Variants in EXT1 observed in about 807,000 individuals in gnomAD.
The protein encoded by EXT1 is exostosin glycosyltransferase 1, also known as exostosin-1.
EXT1 carries 20 observed loss-of-function variants against 82.5 expected under a neutral mutation model. The ratio of observed to expected loss-of-function variants is 0.24; its 90% confidence interval spans 0.17 to 0.35. The LOEUF is 0.35. Ranked by LOEUF, EXT1 falls within the 10% of genes least tolerant of loss-of-function variation. The probability of loss-of-function intolerance (pLI) is 1.00; values close to 1 mark genes in which losing one functional copy is unlikely to be tolerated. For synonymous variants in EXT1, 348 were observed against 350.8 expected, an observed-to-expected ratio of 0.99 and a Z score of 0.09; for missense variants, 757 against 936.5, an observed-to-expected ratio of 0.81 and a Z score of 2.50.
At chr8:117,966,599 C>CAT (rs1814816438) in intron 1 of EXT1, among the ~76,000 whole-genome samples, 1 of 152,142 alleles carries the variant, frequency 6.6e-6, no homozygotes, top group Non-Finnish European at 1.5e-5. Flanking sequence ...CTAAGTCTGG[C>CAT]GTATCCCCTC....
At chr8:117,890,570 C>T (rs7814022) in intron 1 of EXT1, among the ~76,000 whole-genome samples, 12 of 152,022 alleles carry the variant, frequency 7.9e-5, no homozygotes, top group African/African-American at 2.9e-4. Flanking sequence ...TGACATAGCA[C>T]CTTGAGAGTT....
intron 1 of EXT1, among the ~76,000 whole-genome samples, chr8:117,987,949 A>G (rs1283907672): frequency 6.6e-6 from 1 of 152,198 alleles, no homozygotes; most frequent in East Asian, 1.9e-4. Context: ...TTAGCTGAGC[A>G]TGGTGGCAGG....
At chr8:117,930,103 C>CAA (rs576886235) in intron 1 of EXT1, among the ~76,000 whole-genome samples, 169 of 138,068 alleles carry the variant, frequency 1.2e-3, no homozygotes, top group African/African-American at 4.1e-3. Context: ...GACTCCATCT[C>CAA]AAAAAAAAAA....
rs1039175551 is a variant in EXT1, at chr8:117,998,102, C to T, written c.962+111983G>A. On this transcript the variant is annotated intron_variant, in intron 1 of 10. Coordinates refer to ENST00000378204, the MANE Select transcript of EXT1 (RefSeq NM_000127.3). The stretch of plus-strand genomic sequence containing the variant: ...GATCTTGGCTCACTGCAACCTCCGC[C>T]TCCTGAGTTCAAGCAATTCTCCTGC... Among the ~76,000 whole-genome samples the T allele has an allele frequency of 2.0e-5, 3 of 151,146 alleles. No homozygotes were observed. In the South Asian group the frequency reaches 6.3e-4, roughly 32 times the overall value.
intron 1 of EXT1, among the ~76,000 whole-genome samples, chr8:117,870,309 T>C (rs1394498271): frequency 6.6e-6 from 1 of 152,242 alleles, no homozygotes; most frequent in Non-Finnish European, 1.5e-5. Flanking sequence ...TCCTCTGTGA[T>C]TGCCAAGGTG....
At chr8:118,109,798 T>A (rs3757991) in intron 1 of EXT1, among the ~76,000 whole-genome samples, 2 of 151,824 alleles carry the variant, frequency 1.3e-5, no homozygotes, top group Non-Finnish European at 2.9e-5. Flanking sequence ...ACCCCGACTC[T>A]TAACAGGAGA....
chr8:117,838,543 G>C (rs1021496190), intron 1 of EXT1, among the ~76,000 whole-genome samples: 4 of 151,932 alleles, frequency 2.6e-5, no homozygotes, highest in African/African-American at 4.8e-5. Flanking sequence ...TCTCCATTGA[G>C]AGTAAAAATT....
At chr8:117,983,420 G>A (rs1209177608) in intron 1 of EXT1, among the ~76,000 whole-genome samples, 6 of 152,128 alleles carry the variant, frequency 3.9e-5, no homozygotes, top group East Asian at 3.8e-4. Context: ...GGAGGTTGGC[G>A]CTACAGTGAG....
chr8:118,079,306 C>T (rs1280445210), intron 1 of EXT1, among the ~76,000 whole-genome samples: 1 of 152,158 alleles, frequency 6.6e-6, no homozygotes, highest in Non-Finnish European at 1.5e-5. Context: ...TTCACCATGT[C>T]CACAAGTTGG....
At chr8:117,940,403 A>C (rs1420898389) in intron 1 of EXT1, among the ~76,000 whole-genome samples, 1 of 152,112 alleles carries the variant, frequency 6.6e-6, no homozygotes, top group Non-Finnish European at 1.5e-5. Flanking sequence ...TTCCTGGAAG[A>C]GCCCCCCGTA....
At chr8:118,059,558 A>C (rs1816851093) in intron 1 of EXT1, among the ~76,000 whole-genome samples, 2 of 152,298 alleles carry the variant, frequency 1.3e-5, no homozygotes, top group Admixed American at 1.3e-4. Context: ...GCTGCAGACC[A>C]CAGGGTTTGG....
intron 1 of EXT1, among the ~76,000 whole-genome samples, chr8:118,006,608 A>C (rs908265942): frequency 4.6e-5 from 7 of 152,226 alleles, no homozygotes; most frequent in African/African-American, 1.7e-4. Flanking sequence ...AAGTTAGATG[A>C]TCTGAGTTCA....
At chr8:117,888,811 T>A (rs1256020621) in intron 1 of EXT1, among the ~76,000 whole-genome samples, 1 of 152,202 alleles carries the variant, frequency 6.6e-6, no homozygotes, top group Non-Finnish European at 1.5e-5. Flanking sequence ...TGCTAATACA[T>A]GTTGTCATTT....
At chr8:117,986,688 C>A (rs774167111) in intron 1 of EXT1, among the ~76,000 whole-genome samples, 2 of 152,142 alleles carry the variant, frequency 1.3e-5, no homozygotes, top group African/African-American at 2.4e-5. Flanking sequence ...GTGCTAGGCT[C>A]ATTTTTTAAA....
Position 117,795,364 on chromosome 8 carries a change from G to A in EXT1, c.*4348C>T, listed in dbSNP as rs1039424119. On this transcript the variant is annotated 3_prime_UTR_variant, in exon 11 of 11. Coordinates refer to ENST00000378204, the MANE Select transcript of EXT1 (RefSeq NM_000127.3). ...CAAAAAGGGGAGAGATGGTTTTGAG[G>A]AGTCAAATCCATCATCACAATTATG... The A allele has an allele frequency of 1.4e-4, 22 of 152,078 alleles. No individual in the cohort carries two copies. The highest frequency in any genetic ancestry group is 4.8e-4 in the African/African-American group (20 of 41,410). 9.4% of individuals were successfully genotyped at this position (152,078 alleles called of 1,614,324 possible). A position where few individuals can be genotyped will look rare whatever the true frequency, so the allele number is the denominator to read the frequency against.
intron 1 of EXT1, among the ~76,000 whole-genome samples, chr8:118,018,782 C>G (rs11562701): frequency 0.025 from 3,820 of 152,200 alleles, 145 homozygotes; most frequent in African/African-American, 0.083. Flanking sequence ...CTCACAATCC[C>G]AAAAGGCTGA....
intron 8 of EXT1, among the ~76,000 whole-genome samples, chr8:117,807,592 T>C (rs75316862): frequency 1.3e-5 from 2 of 152,294 alleles, no homozygotes; most frequent in Non-Finnish European, 2.9e-5. Flanking sequence ...TTCAGAGTAG[T>C]ATGGAAATGA....
chr8:117,848,254 A>T (rs1812397341), intron 1 of EXT1, among the ~76,000 whole-genome samples: 1 of 152,182 alleles, frequency 6.6e-6, no homozygotes, highest in Admixed American at 6.5e-5. Flanking sequence ...GATGCCACAT[A>T]TTATTGATTT....
chr8:117,829,981 G>C (rs1812071357), intron 4 of EXT1, among the ~76,000 whole-genome samples: 1 of 152,168 alleles, frequency 6.6e-6, no homozygotes, highest in Non-Finnish European at 1.5e-5. Context: ...ATGTAAGACA[G>C]AGTCAATCTC....
Sources: allele counts gnomAD v4.1 joint callset (sites outside exome capture counted in the v4.1 genomes callset), GRCh38; gene constraint gnomAD v4.1.1; transcripts MANE v1.5; gene names NCBI Gene and HGNC (gene_info 2026-07-23, HGNC 2026-07-21).